The following MGAT4C variants were observed in gnomAD, a reference collection of about 807,000 sequenced individuals.
MGAT4C encodes the protein alpha-1,3-mannosyl-glycoprotein 4-beta-N-acetylglucosaminyltransferase C.
Under a neutral mutation model 40.1 loss-of-function variants are expected in MGAT4C, and 19 were observed. That is an observed-to-expected ratio of 0.47 (90% CI 0.33 to 0.70). The LOEUF (loss-of-function observed/expected upper bound fraction) is 0.70. Among genes scored for constraint, MGAT4C ranks in the 30% least tolerant of loss-of-function variants. The pLI is 0.02. For synonymous variants in MGAT4C, 181 were observed against 187.1 expected (o/e 0.97, Z 0.27); for missense variants, 491 against 563.2 (o/e 0.87, Z 1.30).
At chr12:86,105,050 C>T (rs542888508) in intron 1 of MGAT4C, among the ~76,000 whole-genome samples, 3 of 152,048 alleles carry the variant, frequency 2.0e-5, no homozygotes, top group Admixed American at 2.0e-4. Flanking sequence ...AATTTACATT[C>T]CTTTTTCATG....
At chr12:86,790,247 A>T (rs1951999640) in intron 1 of MGAT4C, among the ~76,000 whole-genome samples, 2 of 152,124 alleles carry the variant, frequency 1.3e-5, no homozygotes, top group Non-Finnish European at 2.9e-5. Context: ...AATGACTGTT[A>T]TTGGATATAT....
chr12:86,660,963 T>C (rs1264015421), intron 2 of MGAT4C, among the ~76,000 whole-genome samples: 1 of 152,190 alleles, frequency 6.6e-6, no homozygotes, highest in Non-Finnish European at 1.5e-5. Flanking sequence ...GACATCTGCA[T>C]GGTGATTCAT....
At chr12:86,719,035 C>T (rs1950695892) in intron 2 of MGAT4C, among the ~76,000 whole-genome samples, 1 of 152,122 alleles carries the variant, frequency 6.6e-6, no homozygotes, top group African/African-American at 2.4e-5. Context: ...TCTAAAGTTG[C>T]ACAGTATTTT....
chr12:86,776,785 C>T (rs1951755687), intron 1 of MGAT4C, among the ~76,000 whole-genome samples: 1 of 152,018 alleles, frequency 6.6e-6, no homozygotes, highest in South Asian at 2.1e-4. Flanking sequence ...CGTTAGATTA[C>T]TTCCTTCTCA....
chr12:86,513,225 G>T (rs1251955845), intron 2 of MGAT4C, among the ~76,000 whole-genome samples: 1 of 152,172 alleles, frequency 6.6e-6, no homozygotes, highest in Admixed American at 6.5e-5. Flanking sequence ...TCATTTAAAA[G>T]TTCTTGGATT....
At chr12:86,547,674 T>A (rs926472286) in intron 2 of MGAT4C, among the ~76,000 whole-genome samples, 6 of 151,938 alleles carry the variant, frequency 3.9e-5, no homozygotes, top group African/African-American at 1.4e-4. Context: ...TAATTTAGAG[T>A]AGAGTTAAAT....
intron 3 of MGAT4C, among the ~76,000 whole-genome samples, chr12:86,382,184 TAC>T (rs1306251646): frequency 6.6e-6 from 1 of 152,178 alleles, no homozygotes; most frequent in Non-Finnish European, 1.5e-5. Context: ...CTGATAAAGA[TAC>T]AGACAATGAA....
intron 1 of MGAT4C, among the ~76,000 whole-genome samples, chr12:86,085,232 CT>C (rs1288148373): frequency 1.3e-5 from 2 of 151,866 alleles, no homozygotes; most frequent in Non-Finnish European, 2.9e-5. Context: ...TCAAGTTTGG[CT>C]TTTGTTGCAA....
intron 4 of MGAT4C, among the ~76,000 whole-genome samples, chr12:86,292,836 CTG>C (rs1020311591): frequency 2.0e-5 from 3 of 147,802 alleles, no homozygotes; most frequent in African/African-American, 5.0e-5. Context: ...AAAGAAATGA[CTG>C]TTTTTTTTTT....
At chr12:86,704,205 T>C (rs1593132729) in intron 2 of MGAT4C, among the ~76,000 whole-genome samples, 1 of 152,270 alleles carries the variant, frequency 6.6e-6, no homozygotes, top group African/African-American at 2.4e-5. Context: ...ATAAATTATC[T>C]GTATTCTTGG....
chr12:86,342,682 G>A (rs186022349), intron 3 of MGAT4C, among the ~76,000 whole-genome samples: 3 of 152,092 alleles, frequency 2.0e-5, no homozygotes, highest in East Asian at 3.9e-4. Context: ...CTCGTGATCC[G>A]CCCACCTCGG....
chr12:86,013,765 G>GAAA, intron 2 of MGAT4C: 2 of 810,494 alleles, frequency 2.5e-6, no homozygotes, highest in Non-Finnish European at 2.9e-6. Flanking sequence ...GAATCTTAGT[G>GAAA]AAAAAAAAAA....
chr12:86,441,548 T>C (rs10776973), intron 2 of MGAT4C, among the ~76,000 whole-genome samples: 127,413 of 142,964 alleles, frequency 0.89, 56,920 homozygotes, highest in East Asian at 1. Flanking sequence ...CTTCCTGTGT[T>C]CAAGTGTTCT....
At chr12:86,284,454 A>T (rs1234346127) in intron 4 of MGAT4C, among the ~76,000 whole-genome samples, 2 of 151,922 alleles carry the variant, frequency 1.3e-5, no homozygotes, top group Non-Finnish European at 2.9e-5. Flanking sequence ...TTAGACGATT[A>T]TGCTGAAGTT....
chr12:86,369,630 G>T (rs1237472974), intron 3 of MGAT4C, among the ~76,000 whole-genome samples: 1 of 151,934 alleles, frequency 6.6e-6, no homozygotes, highest in Non-Finnish European at 1.5e-5. Flanking sequence ...CATACACTAT[G>T]CTATTGAGGT....
At position 86,324,429 on chromosome 12, in the gene MGAT4C, A is replaced by G. The variant is rs983345996; in HGVS notation, c.-57+9636T>C. ...TACTTATTAATTAAATATATTCTAC[A>G]TTAATTTTATTTTATTTTGTTTGAT... On this transcript the variant is annotated intron_variant, in intron 4 of 7. Coordinates refer to the MGAT4C transcript ENST00000548651. Among the ~76,000 whole-genome samples, 10 of 151,820 alleles carry G rather than the reference A, an allele frequency of 6.6e-5. 1 individual carries two copies. In the South Asian group the frequency reaches 1.7e-3, roughly 25 times the overall value.
intron 2 of MGAT4C, among the ~76,000 whole-genome samples, chr12:86,494,474 T>C (rs947658782): frequency 2.6e-5 from 4 of 151,842 alleles, no homozygotes; most frequent in African/African-American, 9.7e-5. Flanking sequence ...ACTAAACATA[T>C]TATACAAACA....
chr12:86,085,084 C>A (rs911692974), intron 1 of MGAT4C, among the ~76,000 whole-genome samples: 1 of 151,978 alleles, frequency 6.6e-6, no homozygotes, highest in Admixed American at 6.6e-5. Context: ...ATTTCTATTT[C>A]AAAATATCTA....
intron 1 of MGAT4C, among the ~76,000 whole-genome samples, chr12:86,816,349 T>G (rs941739459): frequency 3.3e-5 from 5 of 151,902 alleles, no homozygotes; most frequent in African/African-American, 1.2e-4. Flanking sequence ...ACAAGTTTGT[T>G]TAAATTAGTT....
Sources: gnomAD v4.1 joint callset for allele counts (sites outside exome capture counted in the v4.1 genomes callset) on GRCh38, gnomAD v4.1.1 for gene constraint, MANE v1.5 for transcripts, NCBI Gene and HGNC (gene_info 2026-07-23, HGNC 2026-07-21) for gene names.